Variants in IWS1 observed in about 807,000 individuals in gnomAD.
The protein encoded by IWS1 is interacts with SUPT6H, CTD assembly factor 1.
A neutral mutation model predicts 86.7 loss-of-function variants in IWS1; 27 were observed. The ratio of observed to expected loss-of-function variants is 0.31; its 90% CI spans 0.23 to 0.43. IWS1 has a LOEUF of 0.43. Ranked by LOEUF, IWS1 falls within the 20% of genes least tolerant of loss-of-function variation. The probability of loss-of-function intolerance (pLI) is 1.00; values close to 1 mark genes in which losing one functional copy is unlikely to be tolerated. For missense variants in IWS1, 827 were observed against 1,000.8 expected, an observed-to-expected ratio of 0.83 and a Z score of 2.34; for synonymous variants, 313 against 335.1, an observed-to-expected ratio of 0.93 and a Z score of 0.72.
At chr2:127,527,203 G>A (rs1477722884), upstream of IWS1, among the ~76,000 whole-genome samples, 1 of 152,136 alleles carries the variant, frequency 6.6e-6, no homozygotes, top group Admixed American at 6.5e-5. Context: ...GATAAAACGC[G>A]TGCAGATGAC....
Position 127,505,412 on chromosome 2 carries a change from A to G in IWS1, c.491T>C (p.Leu164Pro), listed in dbSNP as rs1691080319. 6.2e-7 allele frequency: 1 copy of G among 1,613,854 alleles called. No homozygotes were observed. The highest frequency in any genetic ancestry group is 8.5e-7 in the Non-Finnish European group (1 of 1,179,994). ...AGAGTCACTAGCAGGACTCTTCTGG[A>G]GCTCCTCAATCTCAGAATCACTGGC... is the stretch of plus-strand genomic sequence containing the variant. Reference protein sequence around the residue: ...HPASDSEIEELQKSPASDSET... With the variant: ...HPASDSEIEEPQKSPASDSET... The change falls in exon 3 of 14, where the codon CTC becomes CCC. Residue 164 changes from leucine (L) to proline (P), a missense_variant. Leu to Pro is a moderately conservative substitution (Grantham distance 98). Coordinates refer to ENST00000295321, the MANE Select transcript of IWS1 (RefSeq NM_017969.3). This position sits in a 1 kb window ranked among gnomAD's most constrained non-coding sequence, Gnocchi z 5.0.
chr2:127,483,582 GTGGTGGGGT>G (rs1558736757), intron 13 of IWS1, among the ~76,000 whole-genome samples: 7 of 45,706 alleles, frequency 1.5e-4, no homozygotes, highest in African/African-American at 4.9e-4. Context: ...GGGGCGGGGG[GTGGTGGGGT>G]GGGGGGGTTG....
rs1692407723 is a variant in IWS1, at chr2:127,526,241, C to A, written c.-33G>T. On this transcript the variant is annotated 5_prime_UTR_variant, in exon 1 of 14. Coordinates refer to ENST00000295321, the MANE Select transcript of IWS1 (RefSeq NM_017969.3). ...GGACTCTCAGCGGGGAGTGTCCGCG[C>A]CCCGCGCCGCCCCCGTCACCTCCTT... The A allele has an allele frequency of 1.3e-6, 2 of 1,551,492 alleles. No homozygotes were observed. Among genetic ancestry groups the A allele is most frequent in the Non-Finnish European group, 1.7e-6 (2 of 1,148,974 alleles).
intron 1 of IWS1, among the ~76,000 whole-genome samples, 196 bp downstream of exon 1, chr2:127,525,979 T>G (rs1051447040): frequency 4.6e-5 from 7 of 152,218 alleles, no homozygotes; most frequent in African/African-American, 1.7e-4. Context: ...GAAGAAAGCT[T>G]TCCCACCAGA....
At chr2:127,527,310 T>C (rs1317027884), upstream of IWS1, among the ~76,000 whole-genome samples, 2 of 152,164 alleles carry the variant, frequency 1.3e-5, no homozygotes, top group East Asian at 1.9e-4. Flanking sequence ...GCTGATGATA[T>C]CGAGTGATTA....
intron 8 of IWS1, chr2:127,494,640 T>C (rs1690418842): frequency 6.1e-6 from 2 of 328,314 alleles, no homozygotes; most frequent in Admixed American, 9.7e-5. Context: ...AAATTAGTAG[T>C]TTCCAAGTTT....
At chr2:127,515,660 A>T (rs1691729597) in intron 2 of IWS1, among the ~76,000 whole-genome samples, 1 of 152,226 alleles carries the variant, frequency 6.6e-6, no homozygotes, top group Non-Finnish European at 1.5e-5. Flanking sequence ...TATTAAAAAC[A>T]ACCACTTAAA....
chr2:127,509,824 A>C (rs1691349768), intron 2 of IWS1, among the ~76,000 whole-genome samples: 1 of 151,240 alleles, frequency 6.6e-6, no homozygotes, highest in African/African-American at 2.4e-5. Flanking sequence ...AATCTTGTTT[A>C]TCTCAGTCTA....
In IWS1 at chr2:127,489,168, T is replaced by C; in HGVS notation, c.2216+11A>G. The C allele has an allele frequency of 6.2e-7, 1 of 1,601,666 alleles. No individual in the cohort carries two copies. Among genetic ancestry groups the C allele is most frequent in the Non-Finnish European group, 8.5e-7 (1 of 1,169,746 alleles). ...ATAGTCTAGGAAGAAAAATTAACAT[T>C]AAAACCTTACTTCTCCTCTCCTGTC... is the stretch of plus-strand genomic sequence containing the variant. On this transcript the variant is annotated intron_variant, in intron 12 of 13. Transcript: ENST00000295321. This position sits in a 1 kb window ranked among gnomAD's most constrained non-coding sequence, Gnocchi z 4.8.
In IWS1 at chr2:127,526,473, G is replaced by T; in HGVS notation, c.-265C>A. 1.3e-6 allele frequency: 2 copies of T among 1,526,698 alleles called. No individual in the cohort carries two copies. The highest frequency in any genetic ancestry group is 8.8e-7 in the Non-Finnish European group (1 of 1,134,108). 94.6% of individuals were successfully genotyped at this position (1,526,698 alleles called of 1,614,324 possible). On this transcript the variant is annotated 5_prime_UTR_variant, in exon 1 of 14. Coordinates refer to ENST00000295321, the MANE Select transcript of IWS1 (RefSeq NM_017969.3). The stretch of plus-strand genomic sequence containing the variant: ...GTTCTACTTCCTAGAAGCACCGCTG[G>T]GGCCAAAATGGCGTCTGCCCACGAC...
At chr2:127,507,941 G>A (rs184468201) in intron 2 of IWS1, among the ~76,000 whole-genome samples, 1 of 152,214 alleles carries the variant, frequency 6.6e-6, no homozygotes, top group African/African-American at 2.4e-5. Flanking sequence ...ATGTATATAA[G>A]ACACATGAAT....
rs752887231 is a variant in IWS1, at chr2:127,505,275, C to T, written c.628G>A (p.Asp210Asn). 2.5e-6 allele frequency: 4 copies of T among 1,613,728 alleles called. No homozygotes were observed. In the Admixed American group the frequency reaches 6.7e-5, roughly 27 times the overall value. ...NEEPPKPRMS[D>N]SESEELPKPQ... ...TTAGGAAGCTCCTCACTTTCAGAAT[C>T]ACTCATTCGAGGTTTGGGAGGCTCC... Residue 210 changes from aspartate (D) to asparagine (N), a missense_variant, in exon 3 of 14, where the codon GAT (aspartate) becomes AAT (asparagine). Physicochemically the swap from Asp to Asn is conservative, Grantham distance 23 (BLOSUM62 1). Transcript: ENST00000295321. This position sits in a 1 kb window ranked among gnomAD's most constrained non-coding sequence, Gnocchi z 5.0.
At chr2:127,483,625 CGTGTGCGTGTGTGT>C (rs1168310718) in intron 13 of IWS1, among the ~76,000 whole-genome samples, 1 of 44,878 alleles carries the variant, frequency 2.2e-5, no homozygotes, top group Non-Finnish European at 4.0e-5. Flanking sequence ...TGTGTGTGTG[CGTGTGCGTGTGTGT>C]GTGTGTGTGT....
Position 127,526,386 on chromosome 2 carries a change from G to C in IWS1, c.-178C>G. 1 of 1,536,270 alleles carries C rather than the reference G, an allele frequency of 6.5e-7. No homozygotes were observed. The highest frequency in any genetic ancestry group is 8.7e-7 in the Non-Finnish European group (1 of 1,146,236). On this transcript the variant is annotated 5_prime_UTR_variant, in exon 1 of 14. Coordinates refer to ENST00000295321, the MANE Select transcript of IWS1 (RefSeq NM_017969.3). ...CGGCAAAGGCGAATTCTTTGACCTG[G>C]AAGCCCCGGCGGAAAAGGCCGTACC...
At chr2:127,492,205 G>A (rs1176108752) in intron 9 of IWS1, 117 bp from the exon 10 acceptor site, 1 of 666,162 alleles carries the variant, frequency 1.5e-6, no homozygotes, top group East Asian at 2.7e-5. Flanking sequence ...CCATTTTCAG[G>A]ATCTACAGAC....
intron 2 of IWS1, chr2:127,511,208 T>G (rs1365694138): frequency 6.6e-6 from 1 of 152,210 alleles, no homozygotes; most frequent in Non-Finnish European, 1.5e-5. Flanking sequence ...AATGTGACAG[T>G]TAAGGCTGTG....
At chr2:127,482,718 T>C (rs2105015305) in intron 13 of IWS1, 1 of 152,374 alleles carries the variant, frequency 6.6e-6, no homozygotes, top group East Asian at 1.9e-4. Context: ...GCCAGTGGGT[T>C]ACAAAATATA....
At position 127,510,453 on chromosome 2, in the gene IWS1, GA is replaced by G. The variant is rs557912128; in HGVS notation, c.151-4702del. Among the ~76,000 whole-genome samples the G allele has an allele frequency of 7.0e-3, 1,059 of 151,370 alleles. 13 individuals carry two copies. The highest frequency in any genetic ancestry group is 0.024 in the African/African-American group (995 of 41,290). On this transcript the variant is annotated intron_variant, in intron 2 of 13. Transcript: ENST00000295321. ...ACAAAGGCACTCCTGATGAATACCA[GA>G]AAAAAAAATTCTACACAAAGCTTGT...
At chr2:127,516,422 A>G (rs1483368801) in intron 2 of IWS1, among the ~76,000 whole-genome samples, 1 of 152,216 alleles carries the variant, frequency 6.6e-6, no homozygotes, top group African/African-American at 2.4e-5. Flanking sequence ...TCAATGAGAA[A>G]AAAAAGAGGA....
Sources: allele counts gnomAD v4.1 joint callset (sites outside exome capture counted in the v4.1 genomes callset), GRCh38; gene constraint gnomAD v4.1.1; non-coding constraint Gnocchi (gnomAD v3.1); transcripts MANE v1.5; gene names NCBI Gene and HGNC (gene_info 2026-07-23, HGNC 2026-07-21).